The following PBX1 variants were observed in gnomAD, a reference collection of about 807,000 sequenced individuals.
PBX1 encodes PBX homeobox 1, also known as pre-B-cell leukemia transcription factor 1.
Under a neutral mutation model 53.4 loss-of-function variants are expected in PBX1, and 6 were observed. That is an observed-to-expected ratio of 0.11 (90% CI 0.06 to 0.22). The LOEUF is 0.22. PBX1 is among the 10% of genes least tolerant of loss of function. The pLI is 1.00. For synonymous variants in PBX1, 204 were observed against 212.3 expected (o/e 0.96, Z 0.34); for missense variants, 251 against 551.4 (o/e 0.46, Z 5.46).
At chr1:164,705,763 T>G (rs1663388125) in intron 2 of PBX1, among the ~76,000 whole-genome samples, 1 of 152,240 alleles carries the variant, frequency 6.6e-6, no homozygotes, top group Non-Finnish European at 1.5e-5. Flanking sequence ...TACCATCAAC[T>G]TGCCTTTAAT....
intron 2 of PBX1, among the ~76,000 whole-genome samples, chr1:164,749,598 C>G (rs1031896845): frequency 6.6e-6 from 1 of 152,038 alleles, no homozygotes; most frequent in Non-Finnish European, 1.5e-5. Context: ...CATGATTAAC[C>G]CACTGTTATT....
chr1:164,692,401 G>T (rs1662541218), intron 2 of PBX1, among the ~76,000 whole-genome samples: 2 of 152,130 alleles, frequency 1.3e-5, no homozygotes, highest in Admixed American at 1.3e-4. Context: ...ATGGATGTGG[G>T]GATGAATGAA....
intron 2 of PBX1, among the ~76,000 whole-genome samples, chr1:164,759,727 A>G (rs940161316): frequency 4.6e-5 from 7 of 152,168 alleles, no homozygotes; most frequent in African/African-American, 1.7e-4. Context: ...AATCGGGGAC[A>G]TGGAGAGCTG....
intron 2 of PBX1, among the ~76,000 whole-genome samples, chr1:164,570,152 TCCAAA>T: frequency 1.3e-5 from 2 of 152,208 alleles, no homozygotes; most frequent in Admixed American, 1.3e-4. Context: ...CTTGCAAAGT[TCCAAA>T]GCAGGAAAAG....
chr1:164,574,336 C>G (rs556869000), intron 2 of PBX1, among the ~76,000 whole-genome samples: 2 of 152,256 alleles, frequency 1.3e-5, no homozygotes, highest in South Asian at 2.1e-4. Context: ...ACACTGACTA[C>G]CTCTGTGGTA....
At chr1:164,784,180 C>T (rs1179006177) in intron 2 of PBX1, among the ~76,000 whole-genome samples, 1 of 152,214 alleles carries the variant, frequency 6.6e-6, no homozygotes. Context: ...TTTCCTCATA[C>T]CTCTGGGTAT....
chr1:164,740,367 TAAA>T (rs58047302), intron 2 of PBX1, among the ~76,000 whole-genome samples: 1 of 144,604 alleles, frequency 6.9e-6, no homozygotes, highest in Non-Finnish European at 1.5e-5. Flanking sequence ...ATGGAAAAAA[TAAA>T]AAAAAAATGA....
intron 3 of PBX1, among the ~76,000 whole-genome samples, chr1:164,793,990 T>A (rs978049271): frequency 2.0e-5 from 3 of 149,630 alleles, no homozygotes; most frequent in African/African-American, 7.4e-5. Flanking sequence ...TTCTCCTGCC[T>A]CAGCCTCCTG....
chr1:164,627,684 A>G (rs1328482923), intron 2 of PBX1, among the ~76,000 whole-genome samples: 1 of 152,230 alleles, frequency 6.6e-6, no homozygotes, highest in Non-Finnish European at 1.5e-5. Context: ...GGAATAGACG[A>G]TGGGCTTTTG....
chr1:164,618,439 C>T (rs980514774), intron 2 of PBX1, among the ~76,000 whole-genome samples: 1 of 151,936 alleles, frequency 6.6e-6, no homozygotes, highest in Non-Finnish European at 1.5e-5. Context: ...GCTCTTGTCT[C>T]GGTTTAATTT....
chr1:164,804,606 A>G (rs1317669690), intron 4 of PBX1, among the ~76,000 whole-genome samples: 1 of 152,286 alleles, frequency 6.6e-6, no homozygotes, highest in East Asian at 1.9e-4. Flanking sequence ...AGCACTAGTC[A>G]TACAGTGATA....
downstream of PBX1, among the ~76,000 whole-genome samples, chr1:164,856,024 T>C (rs1475391814): frequency 6.6e-6 from 1 of 152,210 alleles, no homozygotes. Context: ...ATCCTAGATA[T>C]GTTTATCCCT....
chr1:164,689,334 C>CT lies in PBX1; in HGVS notation c.266-103150dup, dbSNP rs905489829. ...CTTTTTCATTCTTCTTTTTTCTTTT[C>CT]TTTTTTTTTTCCTCCAGAATAACCT... On this transcript the variant is annotated intron_variant, in intron 2 of 8. Transcript: ENST00000420696. 5.4e-4 allele frequency among the ~76,000 whole-genome samples: 79 copies of CT among 146,154 alleles called. No individual in the cohort carries two copies. In the South Asian group the frequency reaches 0.01, roughly 19 times the overall value.
chr1:164,867,326 C>G (rs1672241966), intron 2 of PBX1, among the ~76,000 whole-genome samples: 1 of 152,186 alleles, frequency 6.6e-6, no homozygotes, highest in Admixed American at 6.5e-5. Context: ...TCCCTTTGTG[C>G]TTTCCCAGCA....
At chr1:164,808,601 A>G (rs1274007838) in intron 5 of PBX1, among the ~76,000 whole-genome samples, 1 of 152,158 alleles carries the variant, frequency 6.6e-6, no homozygotes, top group Non-Finnish European at 1.5e-5. Flanking sequence ...CATTTTTCAA[A>G]TGAAGTAGAT....
At chr1:164,580,234 C>T (rs954548288) in intron 2 of PBX1, among the ~76,000 whole-genome samples, 9 of 152,192 alleles carry the variant, frequency 5.9e-5, no homozygotes. Flanking sequence ...AGCTTATTTC[C>T]TGATTTTCAT....
chr1:164,688,052 CT>C (rs1330481982), intron 2 of PBX1, among the ~76,000 whole-genome samples: 1 of 152,174 alleles, frequency 6.6e-6, no homozygotes, highest in African/African-American at 2.4e-5. Context: ...AGGAACTAAT[CT>C]TTGTGGCAAA....
At chr1:164,561,319 T>A (rs1399186004) in intron 1 of PBX1, among the ~76,000 whole-genome samples, 1 of 152,220 alleles carries the variant, frequency 6.6e-6, no homozygotes, top group African/African-American at 2.4e-5. Context: ...TTATGAATTA[T>A]ACTCAATTTT....
chr1:164,860,710 G>T (rs924611996), intron 2 of PBX1, among the ~76,000 whole-genome samples: 14 of 152,218 alleles, frequency 9.2e-5, no homozygotes, highest in African/African-American at 3.4e-4. Context: ...TCTCCACTGA[G>T]CTCCTCTAGT....
Sources: allele counts gnomAD v4.1 joint callset (sites outside exome capture counted in the v4.1 genomes callset), GRCh38; gene constraint gnomAD v4.1.1; transcripts MANE v1.5; gene names NCBI Gene and HGNC (gene_info 2026-07-23, HGNC 2026-07-21).